ANO4: variants seen among roughly 807,000 people sequenced by gnomAD.
The protein encoded by ANO4 is anoctamin 4.
In ANO4, 69 loss-of-function variants were observed where a neutral mutation model predicts 141.9. The ratio of observed to expected loss-of-function variants is 0.49; its 90% CI spans 0.40 to 0.59. ANO4 has a LOEUF of 0.59. ANO4 is among the 20% of genes least tolerant of loss of function. The probability of loss-of-function intolerance (pLI) is 0.00; values close to 1 mark genes in which losing one functional copy is unlikely to be tolerated. For synonymous variants in ANO4, 350 were observed against 394.3 expected (o/e 0.89, Z 1.33); for missense variants, 894 against 1,162.2 (o/e 0.77, Z 3.36).
chr12:100,865,805 G>T (rs111301355), intron 1 of ANO4, among the ~76,000 whole-genome samples: 1 of 152,168 alleles, frequency 6.6e-6, no homozygotes, highest in African/African-American at 2.4e-5. Context: ...AAAGCACAGG[G>T]ACATTACAGC....
At chr12:100,887,041 A>G (rs992196912) in intron 1 of ANO4, among the ~76,000 whole-genome samples, 1 of 152,186 alleles carries the variant, frequency 6.6e-6, no homozygotes. Context: ...ATTGCCTGTA[A>G]AAAAATTTTT....
At chr12:100,966,572 T>G (rs906861810) in intron 5 of ANO4, among the ~76,000 whole-genome samples, 2 of 152,068 alleles carry the variant, frequency 1.3e-5, no homozygotes, top group African/African-American at 4.8e-5. Context: ...TGGCCCAGAC[T>G]TCTACCCTGA....
At chr12:100,751,968 GT>G (rs932755464) in intron 3 of ANO4, among the ~76,000 whole-genome samples, 3 of 152,176 alleles carry the variant, frequency 2.0e-5, no homozygotes, top group African/African-American at 7.2e-5. Flanking sequence ...GACCTGGCTT[GT>G]CTTCTCAGCT....
chr12:100,932,313 G>T (rs576789007), intron 3 of ANO4, among the ~76,000 whole-genome samples: 263 of 151,390 alleles, frequency 1.7e-3, no homozygotes, highest in African/African-American at 6.1e-3. Context: ...TGATTTTTTT[G>T]ATTGTATTTC....
At chr12:100,764,108 A>C (rs1468663790) in intron 3 of ANO4, among the ~76,000 whole-genome samples, 1 of 152,214 alleles carries the variant, frequency 6.6e-6, no homozygotes, top group African/African-American at 2.4e-5. Flanking sequence ...GGCATTCTGC[A>C]AATAAGAGCT....
chr12:100,879,826 TTTATTTGTA>T (rs1425402870), intron 1 of ANO4, among the ~76,000 whole-genome samples: 1 of 152,176 alleles, frequency 6.6e-6, no homozygotes, highest in Non-Finnish European at 1.5e-5. Flanking sequence ...GAGGAGTAGT[TTTATTTGTA>T]TAGGCAATTA....
Position 100,986,370 on chromosome 12 carries a change from G to T in ANO4, c.603-1169G>T, listed in dbSNP as rs573661569. Among the ~76,000 whole-genome samples, 82 of 152,248 alleles carry T rather than the reference G, an allele frequency of 5.4e-4. 1 individual carries two copies. The Middle Eastern group carries it at 0.02, about 38-fold the overall frequency. On this transcript the variant is annotated intron_variant, in intron 7 of 27. Transcript: ENST00000392977. ...CTCAAGCAGACAGCAAATTCACCCT[G>T]CCTCCACTTTTTTGTCCTATTCAGG...
At chr12:100,825,553 G>A (rs1301226251) in intron 1 of ANO4, among the ~76,000 whole-genome samples, 3 of 152,038 alleles carry the variant, frequency 2.0e-5, no homozygotes, top group Non-Finnish European at 4.4e-5. Flanking sequence ...CAGACATTTT[G>A]TGATAGATAA....
chr12:100,743,679 T>C (rs1308562723), intron 3 of ANO4, among the ~76,000 whole-genome samples: 1 of 152,214 alleles, frequency 6.6e-6, no homozygotes, highest in South Asian at 2.1e-4. Context: ...GTAAGTGTCA[T>C]AGAAAAAGAG....
Position 100,922,298 on chromosome 12 carries a change from A to G in ANO4, c.128A>G (p.Asp43Gly). 1 of 1,532,270 alleles carries G rather than the reference A, an allele frequency of 6.5e-7. No homozygotes were observed. The highest frequency in any genetic ancestry group is 8.7e-7 in the Non-Finnish European group (1 of 1,145,722). The allele number at this position is 1,532,270 out of a possible 1,614,324, so 94.9% of individuals were successfully genotyped here. A position where few individuals can be genotyped will look rare whatever the true frequency, so the allele number is the denominator to read the frequency against. The part of the protein sequence containing the change: ...ILPDGPKSDV[D>G]FSEILNAIQE... ...CCTGACGGGCCAAAGAGTGATGTGG[A>G]CTTTTCAGAGATTCTTAATGCAATA... The change falls in exon 3 of 28, where the codon GAC (aspartate) becomes GGC (glycine). Residue 43 changes from aspartate to glycine, a missense_variant. Asp to Gly is a moderately conservative substitution (Grantham distance 94, BLOSUM62 -1). Coordinates refer to ENST00000392977, the MANE Select transcript of ANO4 (RefSeq NM_001286615.2).
chr12:100,832,468 C>G (rs1800833461), intron 1 of ANO4, among the ~76,000 whole-genome samples: 2 of 152,008 alleles, frequency 1.3e-5, no homozygotes, highest in Admixed American at 1.3e-4. Flanking sequence ...TTAAATAACC[C>G]AACACCCCAA....
intron 13 of ANO4, among the ~76,000 whole-genome samples, chr12:101,046,103 C>T (rs948045149): frequency 1.3e-4 from 20 of 152,226 alleles, no homozygotes; most frequent in African/African-American, 4.1e-4. Flanking sequence ...GCCCCAGGCA[C>T]GACTGAGTGC....
intron 15 of ANO4, among the ~76,000 whole-genome samples, chr12:101,080,084 G>C (rs2049185306): frequency 1.3e-5 from 2 of 152,150 alleles, no homozygotes; most frequent in Non-Finnish European, 2.9e-5. Context: ...TGCTGTGCCA[G>C]TAAATCAGAT....
At chr12:100,902,574 C>G (rs928131751) in intron 2 of ANO4, among the ~76,000 whole-genome samples, 2 of 152,152 alleles carry the variant, frequency 1.3e-5, no homozygotes, top group African/African-American at 4.8e-5. Flanking sequence ...GAGAATAACT[C>G]TCACCCAATC....
intron 3 of ANO4, among the ~76,000 whole-genome samples, chr12:100,758,344 T>C (rs2135518278): frequency 6.6e-6 from 1 of 152,328 alleles, no homozygotes; most frequent in East Asian, 1.9e-4. Flanking sequence ...ACCTTCTTTC[T>C]GTACCAGATG....
intron 8 of ANO4, among the ~76,000 whole-genome samples, chr12:101,001,737 C>G (rs751335778): frequency 1.9e-4 from 29 of 152,124 alleles, no homozygotes; most frequent in Non-Finnish European, 3.5e-4. Context: ...GGAAAACACC[C>G]TGAGCAGCTG....
chr12:101,099,393 C>A (rs928283155), intron 21 of ANO4, among the ~76,000 whole-genome samples, 185 bp from the exon 22 acceptor site: 1 of 152,134 alleles, frequency 6.6e-6, no homozygotes, highest in African/African-American at 2.4e-5. Context: ...TGTTTACTTG[C>A]AAATATAAAT....
chr12:100,959,212 C>A (rs968514313), intron 5 of ANO4, among the ~76,000 whole-genome samples: 1 of 152,172 alleles, frequency 6.6e-6, no homozygotes, highest in Non-Finnish European at 1.5e-5. Context: ...CACCCTCAAC[C>A]TTCCCTCCCA....
intron 1 of ANO4, among the ~76,000 whole-genome samples, chr12:100,798,317 C>T (rs1387317641): frequency 2.0e-5 from 3 of 152,140 alleles, no homozygotes; most frequent in Non-Finnish European, 4.4e-5. Context: ...CTTTGAGCCC[C>T]TTTTACAGAG....
Sources: allele counts gnomAD v4.1 joint callset (sites outside exome capture counted in the v4.1 genomes callset), GRCh38; gene constraint gnomAD v4.1.1; transcripts MANE v1.5; gene names NCBI Gene and HGNC (gene_info 2026-07-23, HGNC 2026-07-21).